RYR1: variants seen among roughly 807,000 people sequenced by gnomAD.
RYR1 encodes ryanodine receptor 1.
RYR1 carries 342 observed loss-of-function variants against 583.5 expected under a neutral mutation model. That is an observed-to-expected ratio of 0.59 (90% confidence interval 0.54 to 0.64). The LOEUF (loss-of-function observed/expected upper bound fraction) is 0.64. Ranked by LOEUF, RYR1 falls within the 30% of genes least tolerant of loss-of-function variation. The probability of loss-of-function intolerance (pLI) is 0.00; values close to 1 mark genes in which losing one functional copy is unlikely to be tolerated. For missense variants in RYR1, 6,032 were observed against 6,917.2 expected (o/e 0.87, Z 4.54); for synonymous variants, 2,791 against 2,822.5 (o/e 0.99, Z 0.35).
intron 19 of RYR1, among the ~76,000 whole-genome samples, 165 bp from the exon 20 acceptor site, chr19:38,460,210 C>A (rs1967650962): frequency 6.6e-6 from 1 of 152,166 alleles, no homozygotes; most frequent in Non-Finnish European, 1.5e-5. Context: ...TCTAGACTTT[C>A]TTTTATGACT....
intron 99 of RYR1, 40 bp from the exon 100 acceptor site, chr19:38,579,942 C>T: frequency 6.2e-7 from 1 of 1,613,820 alleles, no homozygotes; most frequent in South Asian, 1.1e-5. Context: ...CCTCGTGTGT[C>T]CCTGCCTTCC....
chr19:38,475,835 T>C (rs1968694527), intron 29 of RYR1, among the ~76,000 whole-genome samples: 1 of 152,200 alleles, frequency 6.6e-6, no homozygotes, highest in African/African-American at 2.4e-5. Flanking sequence ...ATTGTCTTAA[T>C]ATAGTTTTGG....
chr19:38,535,864 T>A, intron 81 of RYR1, 133 bp from the exon 82 acceptor site: 1 of 798,000 alleles, frequency 1.3e-6, no homozygotes, highest in South Asian at 1.5e-5. Context: ...CATTTCTGCT[T>A]CCTCTTGATT....
In RYR1 at chr19:38,496,577, A is replaced by T. The variant is rs1969839790; in HGVS notation, c.6796+36A>T. ...CCGAGCCCAGGGGCTGTCCCCCAGA[A>T]CCCACTCCTGGCACCCCGTCCAGGC... is the stretch of plus-strand genomic sequence containing the variant. On this transcript the variant is annotated intron_variant, in intron 41 of 105. Coordinates refer to ENST00000359596, the MANE Select transcript of RYR1 (RefSeq NM_000540.3). This position sits in a 1 kb window ranked among gnomAD's most constrained non-coding sequence, Gnocchi z 4.8. The T allele has an allele frequency of 3.7e-6, 6 of 1,612,188 alleles. No homozygotes were observed. Among genetic ancestry groups the T allele is most frequent in the Non-Finnish European group, 5.1e-6 (6 of 1,179,788 alleles).
rs368711923 is a variant in RYR1 at position 38,448,375 on chromosome 19, G to A, written c.821G>A (p.Arg274His). Reference sequence around the variant, plus strand: ...CACAGCTGGAGTGGGAGCCACCTGCGCTGGGGCCAGCCACTCCGAGTCCGG... The same window carrying A: ...CACAGCTGGAGTGGGAGCCACCTGCACTGGGGCCAGCCACTCCGAGTCCGG... ...LRISWSGSHL[R>H]WGQPLRVRHV... The change falls in exon 10 of 106, where the codon CGC becomes CAC. Residue 274 changes from arginine (R) to histidine (H), a missense_variant. Arg to His is a conservative substitution (Grantham distance 29, BLOSUM62 0). Around this residue, in one of 11 missense-constraint regions of RYR1, gnomAD observed 338 missense variants for 441.6 expected, o/e 0.77. Coordinates refer to ENST00000359596, the MANE Select transcript of RYR1 (RefSeq NM_000540.3). The A allele has an allele frequency of 7.3e-5, 117 of 1,610,128 alleles. No individual in the cohort carries two copies. The East Asian group carries it at 2.2e-3, about 31-fold the overall frequency.
At position 38,433,818 on chromosome 19, in the gene RYR1, G is replaced by A; in HGVS notation, c.-12G>A. On this transcript the variant is annotated 5_prime_UTR_variant, in exon 1 of 106. Transcript: ENST00000359596. Reference sequence around the variant, plus strand: ...CCCCGACCTCAGACCCTGGGCTTCCGACCTCGACATCATGGGTGACGCAGA... The same window carrying A: ...CCCCGACCTCAGACCCTGGGCTTCCAACCTCGACATCATGGGTGACGCAGA... 6.8e-7 allele frequency: 1 copy of A among 1,478,656 alleles called. No homozygotes were observed. The highest frequency in any genetic ancestry group is 1.1e-5 in the South Asian group (1 of 89,116). The allele number at this position is 1,478,656 out of a possible 1,614,324, so 91.6% of individuals were successfully genotyped here. A position where few individuals can be genotyped will look rare whatever the true frequency, so the allele number is the denominator to read the frequency against.
chr19:38,485,507 A>G, intron 33 of RYR1, 83 bp from the exon 34 acceptor site: 1 of 1,555,944 alleles, frequency 6.4e-7, no homozygotes, highest in Non-Finnish European at 8.8e-7. Context: ...ATAGTGATGA[A>G]GGAAATGGAG....
chr19:38,568,500 C>A (rs1973548814), intron 93 of RYR1, among the ~76,000 whole-genome samples: 1 of 151,234 alleles, frequency 6.6e-6, no homozygotes, highest in Non-Finnish European at 1.5e-5. Flanking sequence ...CCTTGGGAGG[C>A]CGAGGCAGGC....
At chr19:38,490,862 A>G in intron 37 of RYR1, 130 bp downstream of exon 37, 1 of 712,974 alleles carries the variant, frequency 1.4e-6, no homozygotes, top group East Asian at 2.7e-5. Flanking sequence ...GAATGAATGA[A>G]TGAGTGAGTG....
At chr19:38,509,227 A>G (rs1382846133) in intron 58 of RYR1, among the ~76,000 whole-genome samples, 1 of 152,042 alleles carries the variant, frequency 6.6e-6, no homozygotes, top group African/African-American at 2.4e-5. Flanking sequence ...CTCACCTGTG[A>G]TATGGGCATA....
In RYR1 at chr19:38,451,941, C is replaced by A. The variant is rs1967096334; in HGVS notation, c.1244+56C>A. On this transcript the variant is annotated intron_variant, in intron 12 of 105. Coordinates refer to ENST00000359596, the MANE Select transcript of RYR1 (RefSeq NM_000540.3). ...CTCCTGTGCTGTCCCATGCTCCGGG[C>A]ATCCATACACTTGGCCTCTTTCATC... 1.9e-5 allele frequency: 30 copies of A among 1,612,006 alleles called. No individual in the cohort carries two copies. In the Middle Eastern group the frequency reaches 1.6e-3, roughly 88 times the overall value.
In RYR1 at chr19:38,440,747, C is replaced by A; in HGVS notation, c.48C>A (p.Asp16Glu). The A allele has an allele frequency of 6.2e-7, 1 of 1,606,960 alleles. No homozygotes were observed. The highest frequency in any genetic ancestry group is 2.2e-5 in the East Asian group (1 of 44,676). The change falls in exon 2 of 106, where the codon GAC becomes GAA. Residue 16 changes from aspartate to glutamate, a missense_variant and splice_region_variant. By Grantham distance (45) the Asp-to-Glu change is conservative (BLOSUM62 2). Transcript: ENST00000359596. ...GACGCTGCCCCTCGGTTCCGCAGGA[C>A]GATGAGGTGGTCCTGCAGTGCAGCG... ...GEDEVQFLRT[D>E]DEVVLQCSAT...
In RYR1 at chr19:38,502,948, A is replaced by C; in HGVS notation, c.7904A>C (p.Glu2635Ala). 1 of 1,610,440 alleles carries C rather than the reference A, an allele frequency of 6.2e-7. No homozygotes were observed. Among genetic ancestry groups the C allele is most frequent in the Non-Finnish European group, 8.5e-7 (1 of 1,179,984 alleles). Reference protein sequence around the residue: ...RLVFDVPILNEFAKMPLKLLT... With the variant: ...RLVFDVPILNAFAKMPLKLLT... ...GTGTTCGACGTGCCCATCCTCAACGAGTTCGCCAAGATGCCACTCAAGGTG... is the reference window on the plus strand; with the variant it reads ...GTGTTCGACGTGCCCATCCTCAACGCGTTCGCCAAGATGCCACTCAAGGTG... The change falls in exon 49 of 106, where the codon GAG becomes GCG. Residue 2635 changes from glutamate (E) to alanine (A), a missense_variant. Around this residue, in one of 11 missense-constraint regions of RYR1, gnomAD observed 250 missense variants for 162.3 expected, o/e 1.54. Transcript: ENST00000359596.
At chr19:38,548,574 G>A (rs1045949715) in intron 89 of RYR1, among the ~76,000 whole-genome samples, 154 bp downstream of exon 89, 13 of 152,026 alleles carry the variant, frequency 8.6e-5, no homozygotes, top group Non-Finnish European at 1.8e-4. Context: ...TGGGTTATAT[G>A]TATTCTGTTT....
intron 101 of RYR1, among the ~76,000 whole-genome samples, chr19:38,582,488 T>C (rs906116895): frequency 1.3e-5 from 2 of 151,114 alleles, no homozygotes; most frequent in African/African-American, 4.9e-5. Context: ...TTATCCACAA[T>C]TAAAAGTTTC....
At chr19:38,537,204 C>T (rs1024258487) in intron 83 of RYR1, 7 of 261,408 alleles carry the variant, frequency 2.7e-5, no homozygotes, top group African/African-American at 4.4e-5. Flanking sequence ...TGGTTGCCTC[C>T]GGCATCCACT....
At chr19:38,442,034 G>A (rs892525785) in intron 2 of RYR1, among the ~76,000 whole-genome samples, 1 of 151,864 alleles carries the variant, frequency 6.6e-6, no homozygotes, top group East Asian at 1.9e-4. Context: ...GGAGAGGCAT[G>A]GGGGTGAGGC....
Position 38,543,382 on chromosome 19 carries a change from A to C in RYR1, c.11725A>C (p.Thr3909Pro). The change falls in exon 85 of 106, where the codon ACG becomes CCG. Residue 3909 changes from threonine (T) to proline (P), a missense_variant. Physicochemically the swap from Thr to Pro is conservative, Grantham distance 38. This residue lies in a region of RYR1 where 1,493 missense variants were observed against 1,715.5 expected (regional missense o/e 0.87). Transcript: ENST00000359596. The surrounding 1 kb of genome is among the most constrained non-coding windows in gnomAD (Gnocchi z 4.4). ...CTACCTACGGACACAGACAGGGAAC[A>C]CGACCACTATTAACATCATCATTTG... ...QNYLRTQTGNTTTINIIICTV... is the reference protein window; with the variant it reads ...QNYLRTQTGNPTTINIIICTV... 6.2e-7 allele frequency: 1 copy of C among 1,614,224 alleles called. No homozygotes were observed. The highest frequency in any genetic ancestry group is 8.5e-7 in the Non-Finnish European group (1 of 1,180,044).
Position 38,496,827 on chromosome 19 carries a change from G to A in RYR1, c.6797-33G>A. ...CCCAGAGGAGGCGAGACAAGCAGGA[G>A]TGAGATGTTCTCCCCACCTCTCGCC... On this transcript the variant is annotated intron_variant, in intron 41 of 105. Coordinates refer to ENST00000359596, the MANE Select transcript of RYR1 (RefSeq NM_000540.3). The surrounding 1 kb of genome is among the most constrained non-coding windows in gnomAD (Gnocchi z 4.8). The A allele has an allele frequency of 6.3e-6, 10 of 1,589,350 alleles. No individual in the cohort carries two copies. Among genetic ancestry groups the A allele is most frequent in the Non-Finnish European group, 7.8e-6 (9 of 1,158,270 alleles).
Sources: gnomAD v4.1 joint callset for allele counts (sites outside exome capture counted in the v4.1 genomes callset) on GRCh38, gnomAD v4.1.1 for gene constraint, gnomAD v4.1.1 regional missense constraint, Gnocchi (gnomAD v3.1) non-coding constraint, MANE v1.5 for transcripts, NCBI Gene and HGNC (gene_info 2026-07-23, HGNC 2026-07-21) for gene names.